COL4A2: variants seen among roughly 807,000 people sequenced by gnomAD.
The protein encoded by COL4A2 is collagen alpha-2(IV) chain.
COL4A2 carries 99 observed loss-of-function variants against 200.2 expected under a neutral mutation model. The observed-to-expected ratio is 0.49, with a 90% CI of 0.42 to 0.58. The LOEUF is 0.58. COL4A2 is among the 20% of genes least tolerant of loss of function. The probability of loss-of-function intolerance (pLI) is 0.00; values close to 1 mark genes in which losing one functional copy is unlikely to be tolerated. For missense variants in COL4A2, 1,950 were observed against 2,314.1 expected, an observed-to-expected ratio of 0.84 and a Z score of 3.23; for synonymous variants, 897 against 900.6, an observed-to-expected ratio of 1.00 and a Z score of 0.07.
chr13:110,312,717 G>C (rs1885018649), intron 3 of COL4A2, among the ~76,000 whole-genome samples: 2 of 152,250 alleles, frequency 1.3e-5, no homozygotes, highest in Admixed American at 6.5e-5. Context: ...GAAGGTAGGA[G>C]GCAATGTCTG....
chr13:110,333,141 T>C (rs2139363671), intron 3 of COL4A2, among the ~76,000 whole-genome samples: 1 of 152,316 alleles, frequency 6.6e-6, no homozygotes, highest in South Asian at 2.1e-4. Context: ...GACCTTGACT[T>C]ATGACCCCTC....
In COL4A2 at chr13:110,415,229, G is replaced by T. The variant is rs1032744068; in HGVS notation, c.181-9505G>T. 2.6e-5 allele frequency among the ~76,000 whole-genome samples: 4 copies of T among 152,242 alleles called. 1 individual carries two copies. Among genetic ancestry groups the T allele is most frequent in the Admixed American group, 1.3e-4 (2 of 15,294 alleles). On this transcript the variant is annotated intron_variant, in intron 4 of 47. Transcript: ENST00000360467. Reference sequence around the variant, plus strand: ...CACAACTCTGTTATTTGTTGTGTCTGTTAATGACACACCAAATAACACACC... The same window carrying T: ...CACAACTCTGTTATTTGTTGTGTCTTTTAATGACACACCAAATAACACACC...
chr13:110,382,416 A>G (rs1235557101), intron 4 of COL4A2, among the ~76,000 whole-genome samples: 1 of 152,264 alleles, frequency 6.6e-6, no homozygotes, highest in Non-Finnish European at 1.5e-5. Context: ...AGAGAGAAAT[A>G]TATGAATCAC....
intron 30 of COL4A2, 69 bp from the exon 31 acceptor site, chr13:110,480,151 A>T (rs1449221033): frequency 6.1e-6 from 9 of 1,467,434 alleles, no homozygotes; most frequent in Non-Finnish European, 4.6e-6. Context: ...TCAATGCCGT[A>T]AAAGCAGAAG....
chr13:110,423,390 T>C (rs1382547188), intron 4 of COL4A2, among the ~76,000 whole-genome samples: 1 of 152,050 alleles, frequency 6.6e-6, no homozygotes, highest in African/African-American at 2.4e-5. Flanking sequence ...AGCTGAACAA[T>C]GTGAACACAT....
Position 110,430,558 on chromosome 13 carries a change from G to T in COL4A2, c.599G>T (p.Arg200Leu). ...GLVGFQGPPG[R>L]PGHVGQMGPV... Reference sequence around the variant, plus strand: ...GCCTATCCATAGGGACCTCCCGGCCGCCCTGGGCATGTGGGACAGATGGGT... The same window carrying T: ...GCCTATCCATAGGGACCTCCCGGCCTCCCTGGGCATGTGGGACAGATGGGT... Residue 200 changes from arginine (R) to leucine (L), a missense_variant, in exon 10 of 48, where the codon CGC (arginine) becomes CTC (leucine). Transcript: ENST00000360467. 6.2e-7 allele frequency: 1 copy of T among 1,614,156 alleles called. No homozygotes were observed. Among genetic ancestry groups the T allele is most frequent in the Non-Finnish European group, 8.5e-7 (1 of 1,180,026 alleles).
intron 3 of COL4A2, among the ~76,000 whole-genome samples, chr13:110,314,106 T>G (rs1885070820): frequency 6.6e-6 from 1 of 152,212 alleles, no homozygotes; most frequent in South Asian, 2.1e-4. Context: ...CAGTTCAATG[T>G]GATAATGTTG....
chr13:110,392,879 T>A (rs890816805), intron 4 of COL4A2, among the ~76,000 whole-genome samples: 1 of 152,214 alleles, frequency 6.6e-6, no homozygotes, highest in Non-Finnish European at 1.5e-5. Context: ...AATAATTGTA[T>A]TAAGTCTGTA....
rs2139508226 is a variant in COL4A2 at position 110,469,226 on chromosome 13, G to C, written c.2105G>C (p.Gly702Ala). 2 of 1,593,976 alleles carry C rather than the reference G, an allele frequency of 1.3e-6. No individual in the cohort carries two copies. Among genetic ancestry groups the C allele is most frequent in the Non-Finnish European group, 8.5e-7 (1 of 1,169,886 alleles). ...TTATTTGGTTATTTAGGTGCCAAAGGCCTCCGAGGAATCCCAGGCTTCGCA... is the reference window on the plus strand; with the variant it reads ...TTATTTGGTTATTTAGGTGCCAAAGCCCTCCGAGGAATCCCAGGCTTCGCA... ...PGPPGPTGAK[G>A]LRGIPGFAGA... The change falls in exon 28 of 48, where the codon GGC (glycine) becomes GCC (alanine). Residue 702 changes from glycine (G) to alanine (A), a missense_variant. By Grantham distance (60) the Gly-to-Ala change is moderately conservative. Around this residue, in one of 2 missense-constraint regions of COL4A2, gnomAD observed 1,385 missense variants for 1,720.5 expected, o/e 0.80. Coordinates refer to ENST00000360467, the MANE Select transcript of COL4A2 (RefSeq NM_001846.4).
chr13:110,476,403 G>T (rs976734361), intron 29 of COL4A2, among the ~76,000 whole-genome samples: 1 of 152,246 alleles, frequency 6.6e-6, no homozygotes, highest in South Asian at 2.1e-4. Context: ...GTGCATCTTA[G>T]AGAATCTCAT....
intron 45 of COL4A2, among the ~76,000 whole-genome samples, chr13:110,506,154 TGCAG>T (rs1883854543): frequency 1.3e-5 from 2 of 151,998 alleles, no homozygotes; most frequent in African/African-American, 4.8e-5. Context: ...TTTCTCAGGC[TGCAG>T]GTGCACTAGG....
Position 110,450,356 on chromosome 13 carries a change from AC to A in COL4A2, c.1245del (p.Gly416AlafsTer37). 1 of 1,613,580 alleles carries A rather than the reference AC, an allele frequency of 6.2e-7. No homozygotes were observed. Among genetic ancestry groups the A allele is most frequent in the Non-Finnish European group, 8.5e-7 (1 of 1,179,656 alleles). ...GEMGPKGFIG[D>X]PGIPALYGGP... ...ATGGGACCCAAGGGCTTCATCGGAG[AC>A]CCCGGCATCCCTGCGCTCTACGGGG... On this transcript the variant is annotated frameshift_variant, in exon 20 of 48. Coordinates refer to ENST00000360467, the MANE Select transcript of COL4A2 (RefSeq NM_001846.4). LOFTEE classifies it high-confidence loss of function.
chr13:110,381,676 C>T lies in COL4A2; in HGVS notation c.180+24124C>T, dbSNP rs186350636. 2.9e-3 allele frequency among the ~76,000 whole-genome samples: 441 copies of T among 152,316 alleles called. 1 individual carries two copies. The highest frequency in any genetic ancestry group is 4.3e-3 in the Non-Finnish European group (291 of 68,028). On this transcript the variant is annotated intron_variant, in intron 4 of 47. Transcript: ENST00000360467. ...CTGCTTGAATTTGCATCTGGGAATCCTCCTGTTAGTAGAAAGGTTGACCCT... is the reference window on the plus strand; with the variant it reads ...CTGCTTGAATTTGCATCTGGGAATCTTCCTGTTAGTAGAAAGGTTGACCCT...
In COL4A2 at chr13:110,465,107, C is replaced by G. The variant is rs370000426; in HGVS notation, c.1777-298C>G. Reference sequence around the variant, plus strand: ...CACAAAAGCCTGTGCCTTCGCTGTTCTGGAGATGAAGGCCCAGGCTGATGC... The same window carrying G: ...CACAAAAGCCTGTGCCTTCGCTGTTGTGGAGATGAAGGCCCAGGCTGATGC... On this transcript the variant is annotated intron_variant, in intron 24 of 47. Coordinates refer to ENST00000360467, the MANE Select transcript of COL4A2 (RefSeq NM_001846.4). Among the ~76,000 whole-genome samples the G allele has an allele frequency of 1.9e-4, 29 of 152,234 alleles. 1 individual carries two copies. The highest frequency in any genetic ancestry group is 1.4e-3 in the Admixed American group (22 of 15,286).
Position 110,357,550 on chromosome 13 carries a change from C to G in COL4A2, c.178C>G (p.Arg60Gly), listed in dbSNP as rs773576081. 6.3e-7 allele frequency: 1 copy of G among 1,578,986 alleles called. No homozygotes were observed. Among genetic ancestry groups the G allele is most frequent in the Non-Finnish European group, 8.6e-7 (1 of 1,159,852 alleles). ...GCQCYPEKGG[R>G]GQPGPVGPQG... ...CCAGTGCTACCCTGAGAAAGGTGGA[C>G]GTGTAAGTCACAGCATTGCAATAAA... The change falls in exon 4 of 48, where the codon CGT becomes GGT. Residue 60 changes from arginine (R) to glycine (G), a missense_variant and splice_region_variant. Physicochemically the swap from Arg to Gly is moderately radical, Grantham distance 125. This residue lies in a region of COL4A2 where 565 missense variants were observed against 593.5 expected (regional missense o/e 0.95). Coordinates refer to ENST00000360467, the MANE Select transcript of COL4A2 (RefSeq NM_001846.4).
chr13:110,338,854 C>A (rs537114959), intron 3 of COL4A2, among the ~76,000 whole-genome samples: 31 of 152,358 alleles, frequency 2.0e-4, no homozygotes, highest in African/African-American at 7.5e-4. Context: ...GAGGTCACAA[C>A]GCTTGTGGAG....
rs144221193 is a variant in COL4A2 at position 110,465,932 on chromosome 13, C to T, written c.1979-71C>T. 430 of 1,558,450 alleles carry T rather than the reference C, an allele frequency of 2.8e-4. 2 individuals are homozygous for T. In the African/African-American group the frequency reaches 3.8e-3, roughly 14 times the overall value. On this transcript the variant is annotated intron_variant, in intron 25 of 47. Transcript: ENST00000360467. ...TACGACACACCTTCACACACGTGCA[C>T]GCCCCAGACGAGCCAGTAACTCTTA...
At chr13:110,399,522 A>G (rs1246168011) in intron 4 of COL4A2, among the ~76,000 whole-genome samples, 1 of 152,172 alleles carries the variant, frequency 6.6e-6, no homozygotes, top group Non-Finnish European at 1.5e-5. Flanking sequence ...GAACCACTTT[A>G]CCTATTTTCT....
At chr13:110,362,766 G>C (rs1877575099) in intron 4 of COL4A2, among the ~76,000 whole-genome samples, 1 of 152,230 alleles carries the variant, frequency 6.6e-6, no homozygotes, top group South Asian at 2.1e-4. Flanking sequence ...TAATAATATA[G>C]AAAGCAGTAG....
Sources: gnomAD v4.1 joint callset for allele counts (sites outside exome capture counted in the v4.1 genomes callset) on GRCh38, gnomAD v4.1.1 for gene constraint, gnomAD v4.1.1 regional missense constraint, MANE v1.5 for transcripts, NCBI Gene and HGNC (gene_info 2026-07-23, HGNC 2026-07-21) for gene names.